PXDNL: variants seen among roughly 807,000 people sequenced by gnomAD.
PXDNL encodes the protein probable oxidoreductase PXDNL.
A neutral mutation model predicts 150.8 loss-of-function variants in PXDNL; 145 were observed. The observed-to-expected ratio is 0.96, with a 90% CI of 0.84 to 1.10. The LOEUF is 1.10. Ranked by LOEUF, PXDNL falls within the 50% of genes least tolerant of loss-of-function variation. PXDNL has a pLI of 0.00. For missense variants in PXDNL, 2,087 were observed against 1,873.9 expected (o/e 1.11, Z -2.10); for synonymous variants, 757 against 725.7 (o/e 1.04, Z -0.69).
chr8:51,577,719 G>C (rs1813089263), intron 3 of PXDNL, among the ~76,000 whole-genome samples: 1 of 149,830 alleles, frequency 6.7e-6, no homozygotes, highest in Non-Finnish European at 1.5e-5. Context: ...AGAACTGTAG[G>C]GAAATTTCCT....
chr8:51,716,846 A>G (rs533740436), intron 1 of PXDNL, among the ~76,000 whole-genome samples: 1 of 152,306 alleles, frequency 6.6e-6, no homozygotes, highest in South Asian at 2.1e-4. Flanking sequence ...AAGCAAGGGG[A>G]AGAGATGCAA....
intron 19 of PXDNL, among the ~76,000 whole-genome samples, chr8:51,353,399 A>G (rs1396151123): frequency 6.6e-6 from 1 of 151,950 alleles, no homozygotes; most frequent in East Asian, 1.9e-4. Flanking sequence ...TTTTAATAAA[A>G]CTACAAGTTT....
At chr8:51,569,320 A>G (rs1410736525) in intron 3 of PXDNL, among the ~76,000 whole-genome samples, 2 of 151,948 alleles carry the variant, frequency 1.3e-5, no homozygotes, top group African/African-American at 2.4e-5. Flanking sequence ...TTTCCATTCA[A>G]TGGTGGTTTT....
chr8:51,798,068 C>A (rs2037581258), intron 1 of PXDNL, among the ~76,000 whole-genome samples: 1 of 152,126 alleles, frequency 6.6e-6, no homozygotes, highest in Non-Finnish European at 1.5e-5. Context: ...CAAAAACAAG[C>A]AATGGGGGAA....
chr8:51,668,159 C>T (rs184104859), intron 1 of PXDNL, among the ~76,000 whole-genome samples: 1 of 142,134 alleles, frequency 7.0e-6, no homozygotes, highest in Admixed American at 7.1e-5. Flanking sequence ...TAATACAAGG[C>T]TTCCTTCTCG....
Position 51,374,670 on chromosome 8 carries a change from G to A in PXDNL, c.3619C>T (p.Pro1207Ser), listed in dbSNP as rs28407367. 2,931 of 1,613,856 alleles carry A rather than the reference G, an allele frequency of 1.8e-3. 50 individuals carry two copies. The African/African-American group carries it at 0.034, about 19-fold the overall frequency. The change falls in exon 18 of 23, where the codon CCT (proline) becomes TCT (serine). Residue 1207 changes from proline to serine, a missense_variant. By Grantham distance (74) the Pro-to-Ser change is moderately conservative. Transcript: ENST00000356297. Reference sequence around the variant, plus strand: ...AGTGTTGGTCCCACTCTTGTACCAGGAATCAGGTCTTCAACCATAAGGGCG... The same window carrying A: ...AGTGTTGGTCCCACTCTTGTACCAGAAATCAGGTCTTCAACCATAAGGGCG... ...WPALMVEDLIPGTRVGPTLMC... is the reference protein window; with the variant it reads ...WPALMVEDLISGTRVGPTLMC...
At chr8:51,445,027 C>T (rs1406443047) in intron 12 of PXDNL, among the ~76,000 whole-genome samples, 1 of 152,068 alleles carries the variant, frequency 6.6e-6, no homozygotes, top group Non-Finnish European at 1.5e-5. Flanking sequence ...CCTCCTCAGC[C>T]TCCCACCTCA....
At position 51,447,074 on chromosome 8, in the gene PXDNL, T is replaced by C. The variant is rs1035030667; in HGVS notation, c.1455A>G (p.Gln485=). The change falls in exon 12 of 23, where the codon CAA becomes CAG. Residue 485 remains glutamine, a synonymous_variant. Coordinates refer to ENST00000356297, the MANE Select transcript of PXDNL (RefSeq NM_144651.5). ...IDRAAQHDQG[Q]YECQAVSSLG... ...ACGAACTGACTGCTTGACATTCATA[T>C]TGGCCTTGATCGTGCTGTGCTGCAC... is the stretch of plus-strand genomic sequence containing the variant. 1.2e-6 allele frequency: 2 copies of C among 1,614,000 alleles called. No individual in the cohort carries two copies. The highest frequency in any genetic ancestry group is 8.5e-7 in the Non-Finnish European group (1 of 1,179,878).
In PXDNL at chr8:51,409,021, G is replaced by C. The variant is rs1290248255; in HGVS notation, c.2603C>G (p.Ala868Gly). The part of the protein sequence containing the change: ...PCMLFARSSP[A>G]CASGRPSATV... The stretch of plus-strand genomic sequence containing the variant: ...CGCAGAGGGACGGCCGCTGGCACAC[G>C]CGGGGCTGGAGCGCGCGAAGAGCAT... Residue 868 changes from alanine to glycine, a missense_variant, in exon 17 of 23, where the codon GCG becomes GGG. Ala to Gly is a moderately conservative substitution (Grantham distance 60, BLOSUM62 0). Transcript: ENST00000356297. 1.2e-6 allele frequency: 2 copies of C among 1,610,706 alleles called. No individual in the cohort carries two copies. The highest frequency in any genetic ancestry group is 1.3e-5 in the African/African-American group (1 of 74,932).
Position 51,453,607 on chromosome 8 carries a change from G to A in PXDNL, c.1161C>T (p.Asn387=). The change falls in exon 10 of 23, where the codon AAC becomes AAT. Residue 387 remains asparagine (N), a synonymous_variant. Transcript: ENST00000356297. The part of the protein sequence containing the change: ...VATSSGLYLQ[N]ITQRDHGRFT... ...ATCGACCATGATCCCGTTGTGTGAT[G>A]TTCTGTAAGTAAAGTCCACTGGACG... 6.2e-7 allele frequency: 1 copy of A among 1,613,992 alleles called. No individual in the cohort carries two copies. Among genetic ancestry groups the A allele is most frequent in the Non-Finnish European group, 8.5e-7 (1 of 1,179,882 alleles).
chr8:51,794,829 A>ATT (rs2129258675), intron 1 of PXDNL, among the ~76,000 whole-genome samples: 1 of 152,352 alleles, frequency 6.6e-6, no homozygotes, highest in Non-Finnish European at 1.5e-5. Context: ...TTAAATGTAA[A>ATT]TGGACTAATT....
intron 6 of PXDNL, among the ~76,000 whole-genome samples, chr8:51,477,055 C>A (rs1810495001): frequency 6.6e-6 from 1 of 152,102 alleles, no homozygotes; most frequent in Non-Finnish European, 1.5e-5. Context: ...AAGAGACAAA[C>A]CTGAAAGTAA....
At chr8:51,439,551 G>A (rs2893653) in intron 12 of PXDNL, among the ~76,000 whole-genome samples, 113,351 of 152,084 alleles carry the variant, frequency 0.75, 43,426 homozygotes, top group Non-Finnish European at 0.84. Flanking sequence ...CAGGTTGGGT[G>A]TGGTGGCTTA....
In PXDNL at chr8:51,592,628, G is replaced by T; in HGVS notation, c.307C>A (p.Leu103Met). ...AFEGLENLLY[L>M]YLYKNEIHAL... ...TTGTTGTTTTTTCTTATAACTTACAGATATAGCAAATTTTCAAGTCCTTCA... is the reference window on the plus strand; with the variant it reads ...TTGTTGTTTTTTCTTATAACTTACATATATAGCAAATTTTCAAGTCCTTCA... Residue 103 changes from leucine to methionine, a missense_variant and splice_region_variant, in exon 3 of 23, where the codon CTG becomes ATG. Coordinates refer to ENST00000356297, the MANE Select transcript of PXDNL (RefSeq NM_144651.5). 6.5e-7 allele frequency: 1 copy of T among 1,541,902 alleles called. No homozygotes were observed. The highest frequency in any genetic ancestry group is 8.8e-7 in the Non-Finnish European group (1 of 1,140,948).
intron 3 of PXDNL, among the ~76,000 whole-genome samples, chr8:51,560,065 T>C (rs1812689165): frequency 6.6e-6 from 1 of 152,004 alleles, no homozygotes; most frequent in South Asian, 2.1e-4. Flanking sequence ...TCATTTACAA[T>C]AGCTTATAAA....
At chr8:51,645,280 G>A (rs1378797876) in intron 2 of PXDNL, among the ~76,000 whole-genome samples, 2 of 152,136 alleles carry the variant, frequency 1.3e-5, no homozygotes, top group Non-Finnish European at 2.9e-5. Context: ...GCCATCTGCT[G>A]TCCTCAGGCC....
chr8:51,510,799 C>G (rs1275194742), intron 4 of PXDNL, among the ~76,000 whole-genome samples: 1 of 152,088 alleles, frequency 6.6e-6, no homozygotes, highest in Non-Finnish European at 1.5e-5. Context: ...AGTTTGTGAC[C>G]AGCTTAGCCA....
At chr8:51,508,102 ACT>A (rs747286618) in intron 4 of PXDNL, among the ~76,000 whole-genome samples, 1 of 152,198 alleles carries the variant, frequency 6.6e-6, no homozygotes, top group Non-Finnish European at 1.5e-5. Flanking sequence ...GACCAATGGT[ACT>A]CGATGGCACC....
rs189180840 is a variant in PXDNL, at chr8:51,623,938, A to T, written c.236+30751T>A. 6.7e-4 allele frequency among the ~76,000 whole-genome samples: 102 copies of T among 151,904 alleles called. 1 individual carries two copies. Among genetic ancestry groups the T allele is most frequent in the Admixed American group, 4.3e-3 (65 of 15,268 alleles). ...GGGAGACCCCATCTCTACAAAAATT[A>T]AAAAAGTAGCCTGCTGTGGTGGCGT... is the stretch of plus-strand genomic sequence containing the variant. On this transcript the variant is annotated intron_variant, in intron 2 of 22. Transcript: ENST00000356297.
Sources: allele counts gnomAD v4.1 joint callset (sites outside exome capture counted in the v4.1 genomes callset), GRCh38; gene constraint gnomAD v4.1.1; transcripts MANE v1.5; gene names NCBI Gene and HGNC (gene_info 2026-07-23, HGNC 2026-07-21).